DPYD: variants seen among roughly 807,000 people sequenced by gnomAD.
DPYD encodes the protein dihydropyrimidine dehydrogenase.
In DPYD, 109 loss-of-function variants were observed where a neutral mutation model predicts 116.2. The ratio of observed to expected loss-of-function variants is 0.94; its 90% CI spans 0.80 to 1.10. The LOEUF (loss-of-function observed/expected upper bound fraction) is 1.10. Among genes scored for constraint, DPYD ranks in the 50% least tolerant of loss-of-function variants. The pLI is 0.00. For synonymous variants in DPYD, 440 were observed against 432.0 expected, an observed-to-expected ratio of 1.02 and a Z score of -0.23; for missense variants, 1,302 against 1,254.5, an observed-to-expected ratio of 1.04 and a Z score of -0.57.
intron 14 of DPYD, among the ~76,000 whole-genome samples, chr1:97,395,075 C>A (rs1019600744): frequency 6.6e-6 from 1 of 151,858 alleles, no homozygotes; most frequent in Non-Finnish European, 1.5e-5. Context: ...CTCCTGTGCC[C>A]TATTGCTCCT....
At chr1:97,154,476 G>T (rs1461223431) in intron 20 of DPYD, among the ~76,000 whole-genome samples, 1 of 152,090 alleles carries the variant, frequency 6.6e-6, no homozygotes, top group Admixed American at 6.6e-5. Context: ...ATACAGTGGG[G>T]CCAGGCACAG....
intron 8 of DPYD, among the ~76,000 whole-genome samples, chr1:97,614,773 C>T (rs1656165197): frequency 6.6e-6 from 1 of 152,024 alleles, no homozygotes; most frequent in Admixed American, 6.6e-5. Context: ...CATTGGATAC[C>T]ATGAAATATC....
intron 12 of DPYD, among the ~76,000 whole-genome samples, chr1:97,536,286 T>C (rs928599741): frequency 7.2e-5 from 11 of 152,228 alleles, no homozygotes; most frequent in Non-Finnish European, 1.2e-4. Flanking sequence ...AAACCCATTA[T>C]GATTTAAAAC....
At chr1:97,375,110 T>C (rs1671538589) in intron 15 of DPYD, among the ~76,000 whole-genome samples, 1 of 152,120 alleles carries the variant, frequency 6.6e-6, no homozygotes, top group Admixed American at 6.6e-5. Context: ...TATATTCTTT[T>C]ACCTAACTTC....
intron 2 of DPYD, among the ~76,000 whole-genome samples, chr1:97,868,658 A>G (rs79599355): frequency 0.033 from 4,950 of 151,898 alleles, 127 homozygotes; most frequent in Middle Eastern, 0.065. Flanking sequence ...AACTAGAGCT[A>G]GCTAGTTAAG....
intron 21 of DPYD, among the ~76,000 whole-genome samples, chr1:97,087,601 G>C (rs1649607960): frequency 6.6e-6 from 1 of 152,130 alleles, no homozygotes; most frequent in Admixed American, 6.5e-5. Context: ...GTAAGGATTG[G>C]CCAGGAGCAA....
At chr1:97,569,864 C>T (rs1359761440) in intron 11 of DPYD, among the ~76,000 whole-genome samples, 1 of 151,972 alleles carries the variant, frequency 6.6e-6, no homozygotes, top group African/African-American at 2.4e-5. Context: ...TTTGTTCCTA[C>T]TTCCCACTCC....
intron 14 of DPYD, among the ~76,000 whole-genome samples, chr1:97,446,580 C>T (rs1285450908): frequency 1.3e-5 from 2 of 152,102 alleles, no homozygotes; most frequent in African/African-American, 2.4e-5. Flanking sequence ...TTATTAATTT[C>T]TCTAACAAAG....
intron 8 of DPYD, among the ~76,000 whole-genome samples, chr1:97,630,257 T>C (rs1657174646): frequency 6.6e-6 from 1 of 152,116 alleles, no homozygotes; most frequent in Non-Finnish European, 1.5e-5. Flanking sequence ...TATTTTGCCC[T>C]AAAGTTTTCT....
At chr1:97,720,757 C>T (rs1326740038) in intron 5 of DPYD, 2 of 1,452,380 alleles carry the variant, frequency 1.4e-6, no homozygotes, top group Admixed American at 3.0e-5. Flanking sequence ...AACTAGTCTC[C>T]AAAGATTATA....
intron 16 of DPYD, among the ~76,000 whole-genome samples, chr1:97,313,383 A>G (rs1322215689): frequency 6.6e-6 from 1 of 151,938 alleles, no homozygotes; most frequent in African/African-American, 2.4e-5. Flanking sequence ...CCTGTTCTTT[A>G]AAAACATAAA....
chr1:97,150,402 A>G (rs1212812726), intron 20 of DPYD, among the ~76,000 whole-genome samples: 1 of 152,208 alleles, frequency 6.6e-6, no homozygotes. Flanking sequence ...TGCTTAATAA[A>G]CATTTGCTGG....
intron 5 of DPYD, chr1:97,720,027 C>T (rs764829615): frequency 2.0e-6 from 2 of 984,986 alleles, no homozygotes; most frequent in Non-Finnish European, 2.4e-6. Flanking sequence ...ATAGACTCTG[C>T]TCTGGGAATG....
intron 10 of DPYD, among the ~76,000 whole-genome samples, chr1:97,588,104 A>AT (rs2102236811): frequency 6.6e-6 from 1 of 152,290 alleles, no homozygotes; most frequent in East Asian, 1.9e-4. Flanking sequence ...CGGTATTGTT[A>AT]TTTTTCTAAT....
intron 20 of DPYD, among the ~76,000 whole-genome samples, chr1:97,104,979 A>G (rs957457438): frequency 4.9e-4 from 74 of 152,108 alleles, no homozygotes; most frequent in African/African-American, 1.7e-3. Flanking sequence ...CACAAAGAGG[A>G]CCAGGAGGCT....
chr1:97,184,317 T>C (rs1383896187), intron 20 of DPYD, among the ~76,000 whole-genome samples: 1 of 152,160 alleles, frequency 6.6e-6, no homozygotes, highest in Admixed American at 6.6e-5. Context: ...GCAGTTCTTT[T>C]TTTTGCTCTT....
chr1:97,638,339 G>T (rs1049174372), intron 8 of DPYD, among the ~76,000 whole-genome samples: 1 of 152,070 alleles, frequency 6.6e-6, no homozygotes, highest in Non-Finnish European at 1.5e-5. Flanking sequence ...GCCCTGGGAA[G>T]CCATGCCTGA....
intron 16 of DPYD, among the ~76,000 whole-genome samples, chr1:97,320,540 C>G (rs1454717500): frequency 1.8e-5 from 1 of 56,008 alleles, no homozygotes; most frequent in African/African-American, 6.2e-5. Context: ...TGTGAAGGAC[C>G]TCTTCAAGGA....
intron 18 of DPYD, among the ~76,000 whole-genome samples, chr1:97,247,806 A>G (rs560644786): frequency 1.3e-5 from 2 of 152,344 alleles, no homozygotes; most frequent in Admixed American, 1.3e-4. Context: ...TTGAGACAAC[A>G]AAAAACAGAA....
Sources: allele counts gnomAD v4.1 joint callset (sites outside exome capture counted in the v4.1 genomes callset), GRCh38; gene constraint gnomAD v4.1.1; transcripts MANE v1.5; gene names NCBI Gene and HGNC (gene_info 2026-07-23, HGNC 2026-07-21).